CMYA5: variants seen among roughly 807,000 people sequenced by gnomAD.
CMYA5 encodes the protein cardiomyopathy-associated protein 5.
Under a neutral mutation model 318.9 loss-of-function variants are expected in CMYA5, and 246 were observed. The ratio of observed to expected loss-of-function variants is 0.77; its 90% CI spans 0.70 to 0.86. CMYA5 has a LOEUF of 0.86. Ranked by LOEUF, CMYA5 falls within the 40% of genes least tolerant of loss-of-function variation. The pLI, the probability that CMYA5 is intolerant of heterozygous loss-of-function variation, is 0.00. For synonymous variants in CMYA5, 1,641 were observed against 1,729.5 expected (o/e 0.95, Z 1.27); for missense variants, 4,589 against 4,678.2 (o/e 0.98, Z 0.56).
rs188658381 is a variant in CMYA5, at chr5:79,697,426, G to A, written c.149+7370G>A. 2.2e-4 allele frequency among the ~76,000 whole-genome samples: 33 copies of A among 152,248 alleles called. No homozygotes were observed. The East Asian group carries it at 3.3e-3, about 15-fold the overall frequency. On this transcript the variant is annotated intron_variant, in intron 1 of 12. Coordinates refer to ENST00000446378, the MANE Select transcript of CMYA5 (RefSeq NM_153610.5). ...CTGCTGATGACTCTTATCCTAGAAGGGACTTCAGACGTCATCTCCCTTACC... is the reference window on the plus strand; with the variant it reads ...CTGCTGATGACTCTTATCCTAGAAGAGACTTCAGACGTCATCTCCCTTACC...
At chr5:79,777,927 A>G (rs1415377723) in intron 9 of CMYA5, 2 of 151,986 alleles carry the variant, frequency 1.3e-5, no homozygotes, top group Non-Finnish European at 2.9e-5. Flanking sequence ...CAAGACCAGC[A>G]TGGCCAAGAT....
At chr5:79,740,937 C>T (rs1031262840) in intron 2 of CMYA5, among the ~76,000 whole-genome samples, 40 of 152,110 alleles carry the variant, frequency 2.6e-4, no homozygotes, top group Non-Finnish European at 8.8e-5. Flanking sequence ...GGTGTAATCA[C>T]AGCTCACTGC....
chr5:79,706,793 C>G (rs1381625204), intron 1 of CMYA5, among the ~76,000 whole-genome samples: 1 of 152,178 alleles, frequency 6.6e-6, no homozygotes, highest in Admixed American at 6.5e-5. Context: ...TTACACAGTC[C>G]TGCATGCAAT....
chr5:79,690,152 G>T (rs370771900), intron 1 of CMYA5, 96 bp downstream of exon 1: 2 of 1,360,026 alleles, frequency 1.5e-6, no homozygotes, highest in African/African-American at 3.1e-5. Flanking sequence ...GGGTTCGTTT[G>T]CCTCGAGCTA....
At chr5:79,767,872 T>A (rs1828783320) in intron 9 of CMYA5, among the ~76,000 whole-genome samples, 1 of 152,218 alleles carries the variant, frequency 6.6e-6, no homozygotes, top group Non-Finnish European at 1.5e-5. Flanking sequence ...TTCTGTCTCA[T>A]TGATCTGTTT....
rs994199505 is a variant in CMYA5 at position 79,788,972 on chromosome 5, T to C, written c.11557T>C (p.Ser3853Pro). Residue 3853 changes from serine to proline, a missense_variant and splice_region_variant, in exon 10 of 13, where the codon TCT becomes CCT. Transcript: ENST00000446378. ...QHSPEGEGLR[S>P]FSGIKGLQLK... ...TTATTATTTTCCTCTTGTATTTAGA[T>C]CTTTCTCTGGAATCAAAGGACTCCA... 8 of 1,613,212 alleles carry C rather than the reference T, an allele frequency of 5.0e-6. No individual in the cohort carries two copies. Among genetic ancestry groups the C allele is most frequent in the Middle Eastern group, 3.3e-4 (2 of 6,084 alleles).
chr5:79,784,434 G>C (rs60301523), intron 9 of CMYA5, among the ~76,000 whole-genome samples: 1,552 of 27,154 alleles, frequency 0.057, 51 homozygotes, highest in African/African-American at 0.096. Context: ...CTTGAGCTGT[G>C]GTGGGCTCCA....
rs755655956 is a variant in CMYA5, at chr5:79,799,496, G to A, written c.12090G>A (p.Leu4030=). 1.9e-5 allele frequency: 30 copies of A among 1,613,914 alleles called. No individual in the cohort carries two copies. Among genetic ancestry groups the A allele is most frequent in the Non-Finnish European group, 2.4e-5 (28 of 1,179,910 alleles). Residue 4030 remains leucine (L), a synonymous_variant, in exon 13 of 13, where the codon TTG becomes TTA. Coordinates refer to ENST00000446378, the MANE Select transcript of CMYA5 (RefSeq NM_153610.5). ...LIFINAESEQ[L]LFIIRHRFNE... ...TCATCAACGCAGAGAGCGAGCAGTT[G>A]CTCTTCATCATCAGGCACAGGTTTA...
At position 79,744,310 on chromosome 5, in the gene CMYA5, ACT is replaced by A. The variant is rs146465888; in HGVS notation, c.10734+391_10734+392del. Among the ~76,000 whole-genome samples, 13 of 152,290 alleles carry A rather than the reference ACT, an allele frequency of 8.5e-5. No individual in the cohort carries two copies. The East Asian group carries it at 2.3e-3, about 27-fold the overall frequency. On this transcript the variant is annotated intron_variant, in intron 3 of 12. Transcript: ENST00000446378. ...CATTTTCATGCCTCTCACTGGGTTA[ACT>A]CTGCAGAAATGCTCTGAGTCACTGC...
In CMYA5 at chr5:79,758,159, G is replaced by T. The variant is rs181493594; in HGVS notation, c.11111-594G>T. Among the ~76,000 whole-genome samples, 594 of 152,072 alleles carry T rather than the reference G, an allele frequency of 3.9e-3. 4 individuals are homozygous for T. Among genetic ancestry groups the T allele is most frequent in the African/African-American group, 0.014 (571 of 41,476 alleles). The stretch of plus-strand genomic sequence containing the variant: ...GCAGGAGAATTGCTTGAACCCGGGA[G>T]GCGGAGGTTGCAGTCAGCCAAGATT... On this transcript the variant is annotated intron_variant, in intron 6 of 12. Transcript: ENST00000446378.
intron 1 of CMYA5, among the ~76,000 whole-genome samples, chr5:79,700,519 C>T (rs1455866678): frequency 6.6e-6 from 1 of 152,150 alleles, no homozygotes; most frequent in African/African-American, 2.4e-5. Context: ...TTTAAAAAGA[C>T]AACCCAATTT....
At chr5:79,696,692 T>C (rs1003296524) in intron 1 of CMYA5, among the ~76,000 whole-genome samples, 1 of 152,224 alleles carries the variant, frequency 6.6e-6, no homozygotes, top group African/African-American at 2.4e-5. Flanking sequence ...TAAATAAAAT[T>C]AATTTCTTCC....
intron 1 of CMYA5, 112 bp downstream of exon 1, chr5:79,690,168 T>C: frequency 1.5e-6 from 2 of 1,337,078 alleles, no homozygotes; most frequent in Non-Finnish European, 1.9e-6. Flanking sequence ...AGCTAGGCAC[T>C]TTCTCTCTGG....
Position 79,729,308 on chromosome 5 carries a change from A to G in CMYA5, c.543A>G (p.Lys181=). The change falls in exon 2 of 13, where the codon AAA becomes AAG. Residue 181 remains lysine (K), a synonymous_variant. Coordinates refer to ENST00000446378, the MANE Select transcript of CMYA5 (RefSeq NM_153610.5). The part of the protein sequence containing the change: ...TSASQVLTTE[K]EKSYTGIYDK... ...CAAGCCAGGTACTAACCACGGAGAA[A>G]GAGAAGTCATATACTGGCATTTATG... 1.2e-6 allele frequency: 2 copies of G among 1,611,020 alleles called. No homozygotes were observed. The highest frequency in any genetic ancestry group is 1.7e-6 in the Non-Finnish European group (2 of 1,179,166).
intron 1 of CMYA5, among the ~76,000 whole-genome samples, chr5:79,708,566 A>G (rs1398552153): frequency 6.6e-6 from 1 of 151,928 alleles, no homozygotes; most frequent in Non-Finnish European, 1.5e-5. Context: ...CGGAGCTTGC[A>G]GTGAGCTGAG....
intron 6 of CMYA5, among the ~76,000 whole-genome samples, chr5:79,757,884 T>G (rs886749472): frequency 6.6e-6 from 1 of 152,220 alleles, no homozygotes; most frequent in Non-Finnish European, 1.5e-5. Context: ...TGTGCACATG[T>G]ACAAATGCAT....
At chr5:79,718,315 T>A (rs1282646640) in intron 1 of CMYA5, among the ~76,000 whole-genome samples, 1 of 152,224 alleles carries the variant, frequency 6.6e-6, no homozygotes, top group Non-Finnish European at 1.5e-5. Flanking sequence ...TTTTAAGAAT[T>A]CCATTTTTTA....
At chr5:79,759,793 CT>C (rs751628333) in intron 7 of CMYA5, among the ~76,000 whole-genome samples, 5 of 152,060 alleles carry the variant, frequency 3.3e-5, no homozygotes, top group Non-Finnish European at 5.9e-5. Flanking sequence ...ATATTTAAGT[CT>C]TTTGAAATGT....
At chr5:79,741,531 C>T (rs75086937) in intron 2 of CMYA5, among the ~76,000 whole-genome samples, 94 of 152,226 alleles carry the variant, frequency 6.2e-4, no homozygotes, top group Admixed American at 2.4e-3. Flanking sequence ...GATATTGGTT[C>T]TAGTTCTCCA....
Sources: allele counts gnomAD v4.1 joint callset (sites outside exome capture counted in the v4.1 genomes callset), GRCh38; gene constraint gnomAD v4.1.1; transcripts MANE v1.5; gene names NCBI Gene and HGNC (gene_info 2026-07-23, HGNC 2026-07-21).